Variants in GABPB1 observed in about 807,000 individuals in gnomAD.
GABPB1 encodes the protein GA-binding protein subunit beta-1.
Under a neutral mutation model 45.9 loss-of-function variants are expected in GABPB1, and 15 were observed. The observed-to-expected ratio is 0.33, with a 90% CI of 0.22 to 0.50. GABPB1 has a LOEUF of 0.50. Among genes scored for constraint, GABPB1 ranks in the 20% least tolerant of loss-of-function variants. The probability of loss-of-function intolerance (pLI) is 0.98; values close to 1 mark genes in which losing one functional copy is unlikely to be tolerated. For synonymous variants in GABPB1, 143 were observed against 154.4 expected (o/e 0.93, Z 0.55); for missense variants, 252 against 457.5 (o/e 0.55, Z 4.10).
intron 1 of GABPB1, among the ~76,000 whole-genome samples, chr15:50,324,731 G>C (rs1243627989): frequency 6.6e-6 from 1 of 151,882 alleles, no homozygotes; most frequent in Non-Finnish European, 1.5e-5. Context: ...ATTTTTAGTA[G>C]AGATGGGGTT....
chr15:50,276,382 A>T lies in GABPB1; in HGVS notation c.*2250T>A, dbSNP rs1567463595. The T allele has an allele frequency of 6.6e-6, 1 of 152,246 alleles. No individual in the cohort carries two copies. Among genetic ancestry groups the T allele is most frequent in the Non-Finnish European group, 1.5e-5 (1 of 68,050 alleles). The allele number at this position is 152,246 out of a possible 1,614,324, so 9.4% of individuals were successfully genotyped here. On this transcript the variant is annotated 3_prime_UTR_variant, in exon 9 of 9. Transcript: ENST00000380877. The stretch of plus-strand genomic sequence containing the variant: ...AAGTTTTAATTACAAATTCTTGTCT[A>T]AGTAGTGATTTTACAGAACAGTAAA...
rs553203922 is a variant in GABPB1 at position 50,281,454 on chromosome 15, G to A, written c.1000-2670C>T. ...TCTCAATCTCCTGACCTCGTGATCT[G>A]CCCGCCTTGGCCTCCCAAAGTGCTA... On this transcript the variant is annotated intron_variant, in intron 8 of 8. Coordinates refer to ENST00000380877, the MANE Select transcript of GABPB1 (RefSeq NM_016654.5). 6.0e-3 allele frequency among the ~76,000 whole-genome samples: 906 copies of A among 152,250 alleles called. 10 individuals are homozygous for A. Among genetic ancestry groups the A allele is most frequent in the African/African-American group, 0.021 (861 of 41,546 alleles).
intron 6 of GABPB1, among the ~76,000 whole-genome samples, chr15:50,294,322 TG>T (rs776052538): frequency 7.9e-5 from 12 of 152,180 alleles, no homozygotes; most frequent in Admixed American, 7.2e-4. Flanking sequence ...GAGACCATCC[TG>T]GCCAAGATGG....
At chr15:50,342,952 G>C (rs976614777) in intron 1 of GABPB1, among the ~76,000 whole-genome samples, 9 of 142,546 alleles carry the variant, frequency 6.3e-5, no homozygotes, top group African/African-American at 2.4e-4. Context: ...CCAGGCTGGA[G>C]TGCAGTGGCA....
At position 50,318,993 on chromosome 15, in the gene GABPB1, A is replaced by G. The variant is rs555772126; in HGVS notation, c.1-9195T>C. Among the ~76,000 whole-genome samples the G allele has an allele frequency of 3.1e-3, 469 of 152,346 alleles. 2 individuals are homozygous for G. Among genetic ancestry groups the G allele is most frequent in the Non-Finnish European group, 5.7e-3 (385 of 68,032 alleles). ...AAAGCAAAATTTTCAGTGTAATCCT[A>G]TTGAAAAGATAAATGGTGAGGGAAA... On this transcript the variant is annotated intron_variant, in intron 1 of 8. Transcript: ENST00000380877.
chr15:50,314,830 GT>G (rs2141067890), intron 1 of GABPB1, among the ~76,000 whole-genome samples: 1 of 152,186 alleles, frequency 6.6e-6, no homozygotes, highest in Non-Finnish European at 1.5e-5. Flanking sequence ...AATCTATTTT[GT>G]TTTGTTCAGA....
intron 1 of GABPB1, among the ~76,000 whole-genome samples, chr15:50,339,031 G>A (rs2048246472): frequency 6.6e-6 from 1 of 152,100 alleles, no homozygotes; most frequent in Non-Finnish European, 1.5e-5. Flanking sequence ...AGCTGGTTGT[G>A]GTGTTTCCCA....
chr15:50,278,814 A>G (rs750433525), intron 8 of GABPB1, 30 bp from the exon 9 acceptor site: 3 of 1,539,502 alleles, frequency 1.9e-6, no homozygotes, highest in Non-Finnish European at 1.7e-6. Context: ...TTTTTTTTTA[A>G]TTTTTGCAAA....
chr15:50,339,956 A>G (rs1315209794), intron 1 of GABPB1, among the ~76,000 whole-genome samples: 2 of 152,202 alleles, frequency 1.3e-5, no homozygotes, highest in Admixed American at 6.5e-5. Context: ...CTCATCTTCT[A>G]TACACAGCTG....
intron 6 of GABPB1, 122 bp from the exon 7 acceptor site, chr15:50,289,790 A>G: frequency 2.2e-6 from 1 of 452,770 alleles, no homozygotes; most frequent in East Asian, 2.8e-5. Context: ...TTTTTTAAAT[A>G]GAGATAGGGT....
intron 1 of GABPB1, among the ~76,000 whole-genome samples, chr15:50,323,752 G>C (rs2047655925): frequency 6.6e-6 from 1 of 152,066 alleles, no homozygotes; most frequent in African/African-American, 2.4e-5. Flanking sequence ...TGTAGTCCCA[G>C]CTACAGCTAC....
intron 1 of GABPB1, among the ~76,000 whole-genome samples, chr15:50,313,866 G>T (rs1033946107): frequency 2.0e-4 from 30 of 151,606 alleles, no homozygotes; most frequent in African/African-American, 7.0e-4. Context: ...TTTTTCAAAG[G>T]GACAAATTAC....
intron 2 of GABPB1, 124 bp downstream of exon 2, chr15:50,309,567 T>C: frequency 4.8e-6 from 3 of 629,052 alleles, no homozygotes; most frequent in Non-Finnish European, 8.5e-6. Context: ...TCTAAAATAA[T>C]AAACACATTT....
intron 1 of GABPB1, among the ~76,000 whole-genome samples, chr15:50,335,033 G>T (rs1263655570): frequency 6.6e-6 from 1 of 152,182 alleles, no homozygotes; most frequent in Non-Finnish European, 1.5e-5. Context: ...TAAGATGAAG[G>T]AGCCTTCCTT....
At chr15:50,288,001 C>T (rs1018479232) in intron 7 of GABPB1, among the ~76,000 whole-genome samples, 1 of 152,180 alleles carries the variant, frequency 6.6e-6, no homozygotes, top group Non-Finnish European at 1.5e-5. Context: ...TCAAGCCCTG[C>T]CCTTCACTGG....
chr15:50,314,987 C>T (rs2047266101), intron 1 of GABPB1, among the ~76,000 whole-genome samples: 1 of 152,188 alleles, frequency 6.6e-6, no homozygotes, highest in Non-Finnish European at 1.5e-5. Context: ...TACTACCTCA[C>T]TGTGACATCT....
intron 3 of GABPB1, 97 bp from the exon 4 acceptor site, chr15:50,303,220 A>C (rs1043927304): frequency 7.6e-6 from 7 of 920,298 alleles, no homozygotes; most frequent in Middle Eastern, 2.2e-4. Flanking sequence ...AGCAAGAACA[A>C]ATAATGTAGT....
Position 50,301,033 on chromosome 15 carries a change from A to G in GABPB1, c.584-131T>C, listed in dbSNP as rs113983509. On this transcript the variant is annotated intron_variant, in intron 5 of 8. Transcript: ENST00000380877. ...ATTAGCTTTTGAAAGGTAATACTGCAGTAAATTTTGTAATATCACCTTTCT... is the reference window on the plus strand; with the variant it reads ...ATTAGCTTTTGAAAGGTAATACTGCGGTAAATTTTGTAATATCACCTTTCT... 35 of 792,536 alleles carry G rather than the reference A, an allele frequency of 4.4e-5. No individual in the cohort carries two copies. The East Asian group carries it at 8.9e-4, about 20-fold the overall frequency. 49.1% of individuals were successfully genotyped at this position (792,536 alleles called of 1,614,324 possible).
At chr15:50,287,273 A>G (rs1224672277) in intron 7 of GABPB1, among the ~76,000 whole-genome samples, 1 of 152,060 alleles carries the variant, frequency 6.6e-6, no homozygotes, top group East Asian at 1.9e-4. Flanking sequence ...AGTTTTCCTT[A>G]TTCTTCTTCC....
Sources: allele counts gnomAD v4.1 joint callset (sites outside exome capture counted in the v4.1 genomes callset), GRCh38; gene constraint gnomAD v4.1.1; transcripts MANE v1.5; gene names NCBI Gene and HGNC (gene_info 2026-07-23, HGNC 2026-07-21).